PHACTR1: variants seen among roughly 807,000 people sequenced by gnomAD.
PHACTR1 encodes the protein phosphatase and actin regulator 1.
In PHACTR1, 16 loss-of-function variants were observed where a neutral mutation model predicts 69.2. The ratio of observed to expected loss-of-function variants is 0.23; its 90% CI spans 0.16 to 0.35. The LOEUF (loss-of-function observed/expected upper bound fraction) is 0.35. Ranked by LOEUF, PHACTR1 falls within the 10% of genes least tolerant of loss-of-function variation. The pLI is 1.00. For missense variants in PHACTR1, 510 were observed against 734.7 expected (o/e 0.69, Z 3.54); for synonymous variants, 312 against 284.5 (o/e 1.10, Z -0.97).
intron 10 of PHACTR1, among the ~76,000 whole-genome samples, chr6:13,231,067 G>GA (rs1770879781): frequency 6.7e-5 from 1 of 14,872 alleles, no homozygotes; most frequent in South Asian, 3.0e-3. Flanking sequence ...AAGGAAGGAA[G>GA]GAAGGAAGGA....
intron 4 of PHACTR1, among the ~76,000 whole-genome samples, chr6:12,820,363 G>A (rs1776071463): frequency 6.6e-6 from 1 of 152,044 alleles, no homozygotes; most frequent in Non-Finnish European, 1.5e-5. Flanking sequence ...TGTATTTTTA[G>A]TAGAGACAGG....
At chr6:13,089,166 G>GC (rs1337161260) in intron 5 of PHACTR1, among the ~76,000 whole-genome samples, 4 of 152,142 alleles carry the variant, frequency 2.6e-5, no homozygotes, top group African/African-American at 7.2e-5. Flanking sequence ...CTCTTGGTTT[G>GC]CCCCCGTCTC....
chr6:12,904,004 G>A (rs1340864176), intron 4 of PHACTR1, among the ~76,000 whole-genome samples: 1 of 152,066 alleles, frequency 6.6e-6, no homozygotes, highest in African/African-American at 2.4e-5. Flanking sequence ...AATTTTTAGT[G>A]GAGAGTTTGC....
chr6:12,718,032 A>G (rs989299540), intron 2 of PHACTR1, among the ~76,000 whole-genome samples: 2 of 152,216 alleles, frequency 1.3e-5, no homozygotes, highest in African/African-American at 4.8e-5. Flanking sequence ...GTGACAGGCT[A>G]GTGTATGATA....
At chr6:12,910,746 A>G (rs529518899) in intron 4 of PHACTR1, among the ~76,000 whole-genome samples, 62 of 152,286 alleles carry the variant, frequency 4.1e-4, no homozygotes, top group African/African-American at 1.5e-3. Context: ...GAAGATGGGC[A>G]TTTTCCCATT....
chr6:13,041,268 A>G (rs1804089569), intron 4 of PHACTR1, among the ~76,000 whole-genome samples: 1 of 150,644 alleles, frequency 6.6e-6, no homozygotes, highest in African/African-American at 2.4e-5. Context: ...AGATATGAGC[A>G]GGGTTCCTTA....
At chr6:12,883,110 T>C (rs929039711) in intron 4 of PHACTR1, among the ~76,000 whole-genome samples, 5 of 151,930 alleles carry the variant, frequency 3.3e-5, no homozygotes, top group African/African-American at 1.2e-4. Context: ...AGTTATGGAG[T>C]TGGGAGCTTG....
intron 4 of PHACTR1, among the ~76,000 whole-genome samples, chr6:12,981,645 C>G (rs79167500): frequency 6.6e-6 from 1 of 152,102 alleles, no homozygotes; most frequent in South Asian, 2.1e-4. Context: ...ATCATGGGAT[C>G]GCTGTCTTGA....
chr6:12,747,397 C>T (rs1765923666), intron 3 of PHACTR1, among the ~76,000 whole-genome samples: 1 of 151,992 alleles, frequency 6.6e-6, no homozygotes, highest in Non-Finnish European at 1.5e-5. Context: ...GCTGTGGTGG[C>T]TCATGCTTGT....
rs1303867486 is a variant in PHACTR1, at chr6:13,185,123, G to A, written c.664+2437G>A. On this transcript the variant is annotated intron_variant, in intron 7 of 14. Coordinates refer to ENST00000332995, the MANE Select transcript of PHACTR1 (RefSeq NM_030948.6). ...GCTCTCTGGGGAGGTTGCCCTGTGG[G>A]ATGTTTGGGTGTTTCTGTGTGTGTC... 1.7e-4 allele frequency: 126 copies of A among 759,942 alleles called. 3 individuals carry two copies. Among genetic ancestry groups the A allele is most frequent in the Non-Finnish European group, 5.3e-5 (29 of 546,968 alleles). The allele number at this position is 759,942 out of a possible 1,614,324, so 47.1% of individuals were successfully genotyped here. A position where few individuals can be genotyped will look rare whatever the true frequency, so the allele number is the denominator to read the frequency against.
chr6:13,062,962 C>T (rs996139265), intron 5 of PHACTR1, among the ~76,000 whole-genome samples: 31 of 152,162 alleles, frequency 2.0e-4, no homozygotes, highest in Admixed American at 1.2e-3. Context: ...TAGGCTCTTA[C>T]GTGCTTGAAA....
chr6:12,853,747 A>G (rs62389892), intron 4 of PHACTR1, among the ~76,000 whole-genome samples: 12,079 of 152,224 alleles, frequency 0.079, 555 homozygotes, highest in African/African-American at 0.11. Flanking sequence ...CTAACTCACT[A>G]TCATGAGAAC....
chr6:12,828,315 T>G lies in PHACTR1; in HGVS notation c.250+78525T>G, dbSNP rs78278986. Among the ~76,000 whole-genome samples, 838 of 152,330 alleles carry G rather than the reference T, an allele frequency of 5.5e-3. 4 individuals are homozygous for G. Among genetic ancestry groups the G allele is most frequent in the Non-Finnish European group, 9.5e-3 (644 of 68,036 alleles). ...AGCATTGATTCTTATACAGTACATTTCCTATAGCGTGTTTATATGTATTCA... is the reference window on the plus strand; with the variant it reads ...AGCATTGATTCTTATACAGTACATTGCCTATAGCGTGTTTATATGTATTCA... On this transcript the variant is annotated intron_variant, in intron 4 of 14. Coordinates refer to ENST00000332995, the MANE Select transcript of PHACTR1 (RefSeq NM_030948.6).
At chr6:12,855,029 C>T (rs145469396) in intron 4 of PHACTR1, among the ~76,000 whole-genome samples, 4 of 152,268 alleles carry the variant, frequency 2.6e-5, no homozygotes, top group Admixed American at 6.5e-5. Flanking sequence ...CCAGCAATCC[C>T]GTTAGTGGGT....
chr6:12,788,596 AT>A (rs1356198104), intron 4 of PHACTR1, among the ~76,000 whole-genome samples: 1 of 152,220 alleles, frequency 6.6e-6, no homozygotes, highest in Admixed American at 6.5e-5. Context: ...ATCCTTACCT[AT>A]CAAAATATTA....
At chr6:13,208,786 A>C (rs62386660) in intron 8 of PHACTR1, among the ~76,000 whole-genome samples, 27 of 152,314 alleles carry the variant, frequency 1.8e-4, no homozygotes, top group Non-Finnish European at 3.2e-4. Flanking sequence ...TCAATTAAAG[A>C]TGCTAACTGA....
chr6:13,164,011 A>T (rs80017136), intron 6 of PHACTR1, among the ~76,000 whole-genome samples: 5,118 of 152,128 alleles, frequency 0.034, 179 homozygotes, highest in African/African-American at 0.087. Flanking sequence ...AGGCCCAAGA[A>T]TTCAGAAGAG....
At chr6:13,044,005 G>T (rs1804620741) in intron 4 of PHACTR1, among the ~76,000 whole-genome samples, 1 of 152,060 alleles carries the variant, frequency 6.6e-6, no homozygotes, top group Non-Finnish European at 1.5e-5. Context: ...GATAAAACAA[G>T]AATTTTGTAC....
chr6:13,037,314 C>A (rs1387779035), intron 4 of PHACTR1, among the ~76,000 whole-genome samples: 2 of 152,122 alleles, frequency 1.3e-5, no homozygotes, highest in Admixed American at 6.5e-5. Context: ...AGGCACCCCC[C>A]CAAACTCCCC....
Sources: gnomAD v4.1 joint callset for allele counts (sites outside exome capture counted in the v4.1 genomes callset) on GRCh38, gnomAD v4.1.1 for gene constraint, MANE v1.5 for transcripts, NCBI Gene and HGNC (gene_info 2026-07-23, HGNC 2026-07-21) for gene names.